Variants in RYR2 observed in about 807,000 individuals in gnomAD.
RYR2 encodes the protein ryanodine receptor 2.
Under a neutral mutation model 601.1 loss-of-function variants are expected in RYR2, and 227 were observed. The observed-to-expected ratio is 0.38, with a 90% CI of 0.34 to 0.42. The LOEUF (loss-of-function observed/expected upper bound fraction) is 0.42. RYR2 is among the 10% of genes least tolerant of loss of function. The pLI is 1.00. For missense variants in RYR2, 4,646 were observed against 6,156.5 expected, an observed-to-expected ratio of 0.75 and a Z score of 8.21; for synonymous variants, 2,223 against 2,175.1, an observed-to-expected ratio of 1.02 and a Z score of -0.61.
chr1:237,495,003 C>A (rs541097716), intron 19 of RYR2, among the ~76,000 whole-genome samples: 51 of 152,162 alleles, frequency 3.4e-4, no homozygotes, highest in East Asian at 9.7e-4. Context: ...GTTGGCCAGC[C>A]TGGTCTCGAA....
At chr1:237,529,413 T>A (rs574444279) in intron 24 of RYR2, among the ~76,000 whole-genome samples, 16 of 152,276 alleles carry the variant, frequency 1.1e-4, no homozygotes, top group Admixed American at 2.6e-4. Context: ...CCCATATGTA[T>A]AAGCTTATAT....
At chr1:237,117,917 T>C (rs779812609) in intron 1 of RYR2, among the ~76,000 whole-genome samples, 15 of 152,164 alleles carry the variant, frequency 9.9e-5, no homozygotes, top group Non-Finnish European at 1.3e-4. Context: ...ACTAATTTTT[T>C]GTATTTTTAG....
intron 33 of RYR2, among the ~76,000 whole-genome samples, chr1:237,594,871 G>A (rs897294899): frequency 1.6e-5 from 2 of 123,900 alleles, no homozygotes; most frequent in Admixed American, 1.6e-4. Context: ...TGGCATTTGT[G>A]GTTAATATCA....
intron 2 of RYR2, among the ~76,000 whole-genome samples, chr1:237,280,065 T>C (rs888861962): frequency 2.6e-5 from 4 of 152,214 alleles, no homozygotes; most frequent in African/African-American, 9.6e-5. Flanking sequence ...AAGTATTTCT[T>C]CTCATAATGG....
rs776564743 is a variant in RYR2, at chr1:237,785,007, T to C, written c.13260+35T>C. On this transcript the variant is annotated intron_variant, in intron 90 of 104. Transcript: ENST00000366574. ...CTCTAAGTCACAGCAGCATTCTCTC[T>C]GGACTTCAGGTGGGTATAATAAATG... 1.1e-5 allele frequency: 16 copies of C among 1,421,014 alleles called. No homozygotes were observed. In the East Asian group the frequency reaches 4.0e-4, roughly 35 times the overall value. 88.0% of individuals were successfully genotyped at this position (1,421,014 alleles called of 1,614,324 possible). A position where few individuals can be genotyped will look rare whatever the true frequency, so the allele number is the denominator to read the frequency against.
At chr1:237,194,619 A>C (rs1178782977) in intron 1 of RYR2, among the ~76,000 whole-genome samples, 1 of 152,210 alleles carries the variant, frequency 6.6e-6, no homozygotes, top group East Asian at 1.9e-4. Context: ...CCACCAATGT[A>C]GACTCTGACC....
intron 1 of RYR2, among the ~76,000 whole-genome samples, chr1:237,234,798 A>T (rs1197792840): frequency 6.6e-6 from 1 of 152,078 alleles, no homozygotes; most frequent in African/African-American, 2.4e-5. Context: ...TTTTGGGGTT[A>T]CTATTTTCCA....
chr1:237,625,655 T>G lies in RYR2; in HGVS notation c.6023-6T>G. ...TTTTTTCTGCCTCTCTGTTTTTTTATACTAGGAATTGAGCTGGATGAAGAT... is the reference window on the plus strand; with the variant it reads ...TTTTTTCTGCCTCTCTGTTTTTTTAGACTAGGAATTGAGCTGGATGAAGAT... On this transcript the variant is annotated splice_region_variant and splice_polypyrimidine_tract_variant and intron_variant, in intron 39 of 104. Coordinates refer to ENST00000366574, the MANE Select transcript of RYR2 (RefSeq NM_001035.3). 1 of 1,608,466 alleles carries G rather than the reference T, an allele frequency of 6.2e-7. No individual in the cohort carries two copies. The highest frequency in any genetic ancestry group is 8.5e-7 in the Non-Finnish European group (1 of 1,178,066).
chr1:237,387,692 A>C (rs927861447), intron 9 of RYR2, among the ~76,000 whole-genome samples: 1 of 152,254 alleles, frequency 6.6e-6, no homozygotes, highest in East Asian at 1.9e-4. Flanking sequence ...GGTTGGACTA[A>C]TGTCAAGATT....
intron 10 of RYR2, among the ~76,000 whole-genome samples, chr1:237,409,628 C>G (rs1450534255): frequency 6.6e-6 from 1 of 151,908 alleles, no homozygotes; most frequent in Non-Finnish European, 1.5e-5. Context: ...TATGAAATAA[C>G]TACTGATTTT....
chr1:237,327,880 A>G (rs1056346809), intron 2 of RYR2, among the ~76,000 whole-genome samples: 3 of 152,198 alleles, frequency 2.0e-5, no homozygotes, highest in Admixed American at 6.5e-5. Context: ...TTAACAGCTA[A>G]TAAGTAATGA....
intron 2 of RYR2, among the ~76,000 whole-genome samples, chr1:237,304,144 A>G (rs1693644714): frequency 6.6e-6 from 1 of 152,138 alleles, no homozygotes; most frequent in African/African-American, 2.4e-5. Context: ...GTACAAGTTG[A>G]CTACATGGAT....
At chr1:237,284,782 C>A (rs192471475) in intron 2 of RYR2, among the ~76,000 whole-genome samples, 247 of 151,338 alleles carry the variant, frequency 1.6e-3, no homozygotes, top group Non-Finnish European at 2.4e-3. Context: ...TTATTATTTT[C>A]TGCAGCTATT....
chr1:237,791,978 A>T, intron 93 of RYR2, 127 bp from the exon 94 acceptor site: 1 of 673,554 alleles, frequency 1.5e-6, no homozygotes, highest in Non-Finnish European at 2.5e-6. Flanking sequence ...CTTTGCTATT[A>T]GTCCTTTCAT....
At chr1:237,798,776 T>TCACACACACACACACACA (rs72164792) in intron 97 of RYR2, among the ~76,000 whole-genome samples, 2 of 135,210 alleles carry the variant, frequency 1.5e-5, no homozygotes, top group African/African-American at 2.6e-5. Context: ...AATTTAAATG[T>TCACACACACACACACACA]CACACACACA....
At chr1:237,590,150 G>T in intron 30 of RYR2, 149 bp downstream of exon 30, 9 of 738,774 alleles carry the variant, frequency 1.2e-5, no homozygotes, top group Middle Eastern at 4.0e-4. Flanking sequence ...AAGCAAAGAT[G>T]GTACTTTCTA....
chr1:237,753,569 A>G (rs1014715424), intron 80 of RYR2, among the ~76,000 whole-genome samples: 3 of 152,194 alleles, frequency 2.0e-5, no homozygotes, highest in African/African-American at 7.2e-5. Flanking sequence ...ATATGCACTG[A>G]TAATTCTTGG....
In RYR2 at chr1:237,334,026, A is replaced by G. The variant is rs1172284595; in HGVS notation, c.273+3044A>G. 2.0e-5 allele frequency among the ~76,000 whole-genome samples: 3 copies of G among 152,314 alleles called. No homozygotes were observed. The East Asian group carries it at 5.8e-4, about 29-fold the overall frequency. Reference sequence around the variant, plus strand: ...TTTCTTACGTAATTCAGTAAATTAAACAATACTTATACTATTTCATGTCCA... The same window carrying G: ...TTTCTTACGTAATTCAGTAAATTAAGCAATACTTATACTATTTCATGTCCA... On this transcript the variant is annotated intron_variant, in intron 3 of 104. Coordinates refer to ENST00000366574, the MANE Select transcript of RYR2 (RefSeq NM_001035.3).
intron 91 of RYR2, among the ~76,000 whole-genome samples, chr1:237,787,710 A>G (rs1304023319): frequency 1.3e-5 from 2 of 152,158 alleles, no homozygotes; most frequent in Non-Finnish European, 2.9e-5. Context: ...TCATTGCAGA[A>G]TTGGAAGGAA....
Sources: allele counts gnomAD v4.1 joint callset (sites outside exome capture counted in the v4.1 genomes callset), GRCh38; gene constraint gnomAD v4.1.1; transcripts MANE v1.5; gene names NCBI Gene and HGNC (gene_info 2026-07-23, HGNC 2026-07-21).